The following ARHGAP26 variants were observed in gnomAD, a reference collection of about 807,000 sequenced individuals.
ARHGAP26 encodes the protein rho GTPase-activating protein 26.
In ARHGAP26, 38 loss-of-function variants were observed where a neutral mutation model predicts 104.8. That is an observed-to-expected ratio of 0.36 (90% CI 0.28 to 0.48). ARHGAP26 has a LOEUF of 0.48. ARHGAP26 is among the 20% of genes least tolerant of loss of function. The pLI, the probability that ARHGAP26 is intolerant of heterozygous loss-of-function variation, is 0.99. For missense variants in ARHGAP26, 704 were observed against 947.9 expected (o/e 0.74, Z 3.38); for synonymous variants, 341 against 340.0 (o/e 1.00, Z -0.03).
chr5:142,901,197 C>G (rs926805875), intron 6 of ARHGAP26, among the ~76,000 whole-genome samples: 2 of 152,118 alleles, frequency 1.3e-5, no homozygotes, highest in East Asian at 1.9e-4. Context: ...GTATATGAAG[C>G]CGTGTGGTGA....
At position 142,812,948 on chromosome 5, in the gene ARHGAP26, T is replaced by G. The variant is rs1370501045; in HGVS notation, c.154+42033T>G. Among the ~76,000 whole-genome samples the G allele has an allele frequency of 6.6e-5, 10 of 150,880 alleles. 1 individual carries two copies. Among genetic ancestry groups the G allele is most frequent in the African/African-American group, 2.4e-4 (10 of 41,326 alleles). The stretch of plus-strand genomic sequence containing the variant: ...TTTTCTTTTTTTTTCTTTCTTTTTT[T>G]TTTTTTTGAGAAGGAGTCTCACTCT... On this transcript the variant is annotated intron_variant, in intron 1 of 22. Coordinates refer to ENST00000645722, the MANE Select transcript of ARHGAP26 (RefSeq NM_001135608.3).
Position 143,147,402 on chromosome 5 carries a change from C to T in ARHGAP26, c.1988+21C>T, listed in dbSNP as rs147445127. On this transcript the variant is annotated intron_variant, in intron 20 of 22. Coordinates refer to ENST00000645722, the MANE Select transcript of ARHGAP26 (RefSeq NM_001135608.3). ...TCACTGTAAGTATGATGTCCAGCTGCCTACCCCACAAGGGCTTTGGTCAGC... is the reference window on the plus strand; with the variant it reads ...TCACTGTAAGTATGATGTCCAGCTGTCTACCCCACAAGGGCTTTGGTCAGC... 2,993 of 1,606,574 alleles carry T rather than the reference C, an allele frequency of 1.9e-3. 5 individuals are homozygous for T. Among genetic ancestry groups the T allele is most frequent in the Non-Finnish European group, 2.5e-3 (2,891 of 1,176,358 alleles).
intron 17 of ARHGAP26, among the ~76,000 whole-genome samples, chr5:143,091,834 T>G (rs1270254092): frequency 6.6e-6 from 1 of 152,264 alleles, no homozygotes; most frequent in Non-Finnish European, 1.5e-5. Flanking sequence ...CCAATATGTT[T>G]ACACACGGAA....
intron 20 of ARHGAP26, among the ~76,000 whole-genome samples, chr5:143,150,835 G>A (rs1380077579): frequency 6.6e-6 from 1 of 152,194 alleles, no homozygotes; most frequent in Non-Finnish European, 1.5e-5. Flanking sequence ...AGATAACATA[G>A]GAGAAAACCT....
chr5:143,033,931 A>T (rs980733721), intron 12 of ARHGAP26, among the ~76,000 whole-genome samples: 2 of 152,194 alleles, frequency 1.3e-5, no homozygotes, highest in African/African-American at 4.8e-5. Flanking sequence ...CCGTCTGACA[A>T]ATGCTTTCCA....
intron 19 of ARHGAP26, among the ~76,000 whole-genome samples, chr5:143,145,257 T>C (rs73290136): frequency 4.5e-4 from 69 of 152,326 alleles, no homozygotes; most frequent in African/African-American, 1.5e-3. Context: ...ATGTGAGCAA[T>C]AGTTATGCTC....
intron 1 of ARHGAP26, among the ~76,000 whole-genome samples, chr5:142,865,253 G>A (rs1754059349): frequency 6.6e-6 from 1 of 152,148 alleles, no homozygotes; most frequent in Non-Finnish European, 1.5e-5. Context: ...CATTGATCCA[G>A]TAAATGTTTA....
chr5:143,108,400 C>T (rs1474802615), intron 17 of ARHGAP26, among the ~76,000 whole-genome samples: 1 of 152,168 alleles, frequency 6.6e-6, no homozygotes, highest in Non-Finnish European at 1.5e-5. Context: ...AGCTCTTGTA[C>T]ATGAAGAGCA....
At chr5:143,001,450 TAGAA>T (rs1361436112) in intron 11 of ARHGAP26, among the ~76,000 whole-genome samples, 2 of 152,270 alleles carry the variant, frequency 1.3e-5, no homozygotes, top group African/African-American at 2.4e-5. Flanking sequence ...TGATGGATGA[TAGAA>T]AGATGGCTAG....
At chr5:142,901,129 T>A (rs1024023757) in intron 6 of ARHGAP26, among the ~76,000 whole-genome samples, 6 of 152,204 alleles carry the variant, frequency 3.9e-5, no homozygotes, top group African/African-American at 1.4e-4. Flanking sequence ...GCTGTTTGTT[T>A]AGTTTGGATA....
intron 20 of ARHGAP26, among the ~76,000 whole-genome samples, chr5:143,198,495 G>A (rs755125840): frequency 1.3e-5 from 2 of 152,166 alleles, no homozygotes; most frequent in Non-Finnish European, 2.9e-5. Flanking sequence ...GTGAGCCACG[G>A]TGCACAATAG....
intron 12 of ARHGAP26, among the ~76,000 whole-genome samples, chr5:143,017,949 C>G (rs1011174057): frequency 6.6e-6 from 1 of 152,170 alleles, no homozygotes; most frequent in African/African-American, 2.4e-5. Context: ...CCAGAGTGGT[C>G]GATCCGCAGT....
In ARHGAP26 at chr5:143,184,035, A is replaced by G. The variant is rs10477203; in HGVS notation, c.1989-23163A>G. 4.8e-3 allele frequency among the ~76,000 whole-genome samples: 732 copies of G among 152,276 alleles called. 5 individuals carry two copies. Among genetic ancestry groups the G allele is most frequent in the African/African-American group, 0.015 (604 of 41,564 alleles). ...CTCTGACCCTTGAATAAAGGGGTAA[A>G]GTATTTAGATTCTGAAAGTTTCATG... On this transcript the variant is annotated intron_variant, in intron 20 of 22. Coordinates refer to ENST00000645722, the MANE Select transcript of ARHGAP26 (RefSeq NM_001135608.3).
intron 20 of ARHGAP26, among the ~76,000 whole-genome samples, chr5:143,194,790 A>G (rs1046028525): frequency 1.3e-5 from 2 of 152,196 alleles, no homozygotes; most frequent in East Asian, 1.9e-4. Flanking sequence ...TTTCCAGTCA[A>G]GTCAATAAGC....
Position 142,896,851 on chromosome 5 carries a change from T to TTA in ARHGAP26, c.597+2506_597+2507dup, listed in dbSNP as rs539852808. On this transcript the variant is annotated intron_variant, in intron 6 of 22. Transcript: ENST00000645722. ...AATGGGGATAGTAATATCACCTACT[T>TTA]TATAAAGTTGTATGAGGATTGACTG... Among the ~76,000 whole-genome samples the TTA allele has an allele frequency of 1.9e-3, 284 of 152,312 alleles. 3 individuals are homozygous for TTA. The highest frequency in any genetic ancestry group is 0.015 in the Admixed American group (229 of 15,302).
chr5:142,863,856 A>G (rs1753794639), intron 1 of ARHGAP26, among the ~76,000 whole-genome samples: 1 of 152,122 alleles, frequency 6.6e-6, no homozygotes, highest in African/African-American at 2.4e-5. Context: ...CATTCCAGAA[A>G]CAAAATCTAA....
intron 20 of ARHGAP26, among the ~76,000 whole-genome samples, chr5:143,177,396 A>G (rs1012528610): frequency 6.6e-6 from 1 of 152,194 alleles, no homozygotes; most frequent in African/African-American, 2.4e-5. Context: ...CACCAAGCAT[A>G]ATGCTCCCCA....
intron 18 of ARHGAP26, among the ~76,000 whole-genome samples, chr5:143,130,257 A>G (rs1162314318): frequency 6.6e-6 from 1 of 152,194 alleles, no homozygotes; most frequent in East Asian, 1.9e-4. Flanking sequence ...AATTGGGGAT[A>G]CTTAGAAGAG....
At chr5:142,930,714 C>T (rs931121767) in intron 10 of ARHGAP26, among the ~76,000 whole-genome samples, 1 of 152,128 alleles carries the variant, frequency 6.6e-6, no homozygotes, top group Admixed American at 6.5e-5. Context: ...ACACCCCTAC[C>T]CCATGCCCCT....
Sources: allele counts gnomAD v4.1 joint callset (sites outside exome capture counted in the v4.1 genomes callset), GRCh38; gene constraint gnomAD v4.1.1; transcripts MANE v1.5; gene names NCBI Gene and HGNC (gene_info 2026-07-23, HGNC 2026-07-21).